DTX2: variants seen among roughly 807,000 people sequenced by gnomAD.
DTX2 encodes deltex E3 ubiquitin ligase 2, also known as probable E3 ubiquitin-protein ligase DTX2.
DTX2 carries 29 observed loss-of-function variants against 55.3 expected under a neutral mutation model. The observed-to-expected ratio is 0.52, with a 90% CI of 0.39 to 0.71. The LOEUF is 0.71. DTX2 is among the 30% of genes least tolerant of loss of function. DTX2 has a pLI of 0.00. For synonymous variants in DTX2, 276 were observed against 340.4 expected (o/e 0.81, Z 2.08); for missense variants, 537 against 822.5 (o/e 0.65, Z 4.25).
chr7:76,480,817 C>T (rs746534819), intron 3 of DTX2, 40 bp downstream of exon 3: 5 of 1,534,882 alleles, frequency 3.3e-6, no homozygotes, highest in Non-Finnish European at 4.4e-6. Flanking sequence ...CTGGGTGCCG[C>T]ACCTGCTTTC....
chr7:76,477,341 C>T (rs1158648390), intron 2 of DTX2, among the ~76,000 whole-genome samples: 1 of 137,316 alleles, frequency 7.3e-6, no homozygotes, highest in African/African-American at 2.8e-5. Context: ...TGTGGCCGTT[C>T]CTCCTTGAGA....
rs998516653 is a variant in DTX2 at position 76,505,484 on chromosome 7, G to A, written c.1752G>A (p.Lys584=). The A allele has an allele frequency of 6.2e-6, 10 of 1,609,538 alleles. No individual in the cohort carries two copies. The African/African-American group carries it at 1.3e-4, about 22-fold the overall frequency. ...TGGTATGGAACGAGATCCACCACAA[G>A]ACAGAGATGGACCGCAACATTACGG... is the stretch of plus-strand genomic sequence containing the variant. ...DTVVWNEIHH[K]TEMDRNITGH... is the part of the protein sequence containing the mutation. The change falls in exon 11 of 11, where the codon AAG becomes AAA. Residue 584 remains lysine (K), a synonymous_variant. Transcript: ENST00000430490. The surrounding 1 kb of genome is among the most constrained non-coding windows in gnomAD (Gnocchi z 4.4).
Position 76,505,458 on chromosome 7 carries a change from G to A in DTX2, c.1726G>A (p.Val576Met), listed in dbSNP as rs748763928. Residue 576 changes from valine to methionine, a missense_variant, in exon 11 of 11, where the codon GTG (valine) becomes ATG (methionine). Val to Met is a conservative substitution (Grantham distance 21). Around this residue, in one of 7 missense-constraint regions of DTX2, gnomAD observed 33 missense variants for 48.4 expected, o/e 0.68. Transcript: ENST00000430490. The surrounding 1 kb of genome is among the most constrained non-coding windows in gnomAD (Gnocchi z 4.4). ...TSSTTGETDT[V>M]VWNEIHHKTE... ...CAGCACCACGGGTGAGACGGACACC[G>A]TGGTATGGAACGAGATCCACCACAA... 6 of 1,607,114 alleles carry A rather than the reference G, an allele frequency of 3.7e-6. No individual in the cohort carries two copies. The highest frequency in any genetic ancestry group is 5.1e-6 in the Non-Finnish European group (6 of 1,177,070).
intron 6 of DTX2, among the ~76,000 whole-genome samples, chr7:76,498,675 C>A (rs1178776009): frequency 2.3e-5 from 3 of 127,916 alleles, no homozygotes; most frequent in Non-Finnish European, 4.8e-5. Context: ...AAGGAAAAGG[C>A]CCCCCTCAGC....
At chr7:76,463,064 C>T (rs1189396394) in intron 1 of DTX2, among the ~76,000 whole-genome samples, 1 of 101,532 alleles carries the variant, frequency 9.8e-6, no homozygotes, top group African/African-American at 3.9e-5. Flanking sequence ...GAGACCCCGT[C>T]TCAAAAAACA....
chr7:76,480,093 G>A lies in DTX2; in HGVS notation c.-89-328G>A, dbSNP rs1326001207. ...GAAGGCTGAGGCGAGTCTATCCCTT[G>A]AGGCTGGGACTTTGAGACCAGCCTG... On this transcript the variant is annotated intron_variant, in intron 2 of 10. Coordinates refer to ENST00000430490, the MANE Select transcript of DTX2 (RefSeq NM_001102594.3). Among the ~76,000 whole-genome samples the A allele has an allele frequency of 2.9e-5, 3 of 102,922 alleles. 1 individual carries two copies. Among genetic ancestry groups the A allele is most frequent in the Non-Finnish European group, 6.0e-5 (3 of 50,068 alleles). The allele number at this position is 102,922 out of a possible 152,430, so 67.5% of individuals were successfully genotyped here.
intron 2 of DTX2, chr7:76,474,645 A>G (rs1324727631): frequency 1.3e-5 from 2 of 152,042 alleles, no homozygotes; most frequent in Non-Finnish European, 2.9e-5. Flanking sequence ...GTATGAGTTG[A>G]GTACCTGTTT....
At chr7:76,480,241 G>C (rs1053819248) in intron 2 of DTX2, among the ~76,000 whole-genome samples, 180 bp from the exon 3 acceptor site, 2 of 148,786 alleles carry the variant, frequency 1.3e-5, no homozygotes, top group Non-Finnish European at 3.0e-5. Flanking sequence ...GGAGTTTGAG[G>C]CTGCTGTGAG....
chr7:76,502,493 G>C (rs369495187), intron 8 of DTX2, 37 bp downstream of exon 8: 1 of 1,602,092 alleles, frequency 6.2e-7, no homozygotes, highest in Non-Finnish European at 8.5e-7. Flanking sequence ...CGGGTGGCCC[G>C]CCCCCACAGT....
At chr7:76,493,909 C>T (rs531715240) in intron 5 of DTX2, among the ~76,000 whole-genome samples, 2 of 120,330 alleles carry the variant, frequency 1.7e-5, no homozygotes, top group Non-Finnish European at 3.8e-5. Context: ...TCATTTCGTC[C>T]TTAAATCACT....
At position 76,479,409 on chromosome 7, in the gene DTX2, C is replaced by T. The variant is rs181002707; in HGVS notation, c.-89-1012C>T. 7.7e-4 allele frequency among the ~76,000 whole-genome samples: 86 copies of T among 111,736 alleles called. 14 individuals are homozygous for T. Among genetic ancestry groups the T allele is most frequent in the African/African-American group, 2.6e-3 (75 of 28,996 alleles). 73.3% of individuals were successfully genotyped at this position (111,736 alleles called of 152,430 possible). A position where few individuals can be genotyped will look rare whatever the true frequency, so the allele number is the denominator to read the frequency against. On this transcript the variant is annotated intron_variant, in intron 2 of 10. Coordinates refer to ENST00000430490, the MANE Select transcript of DTX2 (RefSeq NM_001102594.3). ...TTTTGGTTAGCAATGCTTCAGGGCA[C>T]CTGGGAGACATGAGGAGCTAGAACC...
At chr7:76,472,093 C>A (rs1204060806) in intron 2 of DTX2, 13 of 151,084 alleles carry the variant, frequency 8.6e-5, no homozygotes, top group Admixed American at 5.9e-4. Context: ...TCGCCGTGCT[C>A]ACAGGACTAC....
Position 76,469,550 on chromosome 7 carries a change from A to G in DTX2, c.-90+5841A>G, listed in dbSNP as rs1402704588. Among the ~76,000 whole-genome samples the G allele has an allele frequency of 2.6e-3, 386 of 149,828 alleles. 2 individuals carry two copies. The highest frequency in any genetic ancestry group is 9.2e-3 in the African/African-American group (370 of 40,322). ...TGGGACTACAGGCGCTCGCCACCAC[A>G]CTTGGCTAATTTTTTGTATTTTTTA... On this transcript the variant is annotated intron_variant, in intron 2 of 10. Coordinates refer to ENST00000430490, the MANE Select transcript of DTX2 (RefSeq NM_001102594.3).
chr7:76,491,186 C>T (rs1370578458), intron 4 of DTX2, among the ~76,000 whole-genome samples: 9 of 151,592 alleles, frequency 5.9e-5, no homozygotes, highest in African/African-American at 2.2e-4. Flanking sequence ...TTAGTAGAGA[C>T]AGGATTTTGC....
At chr7:76,477,924 GAAC>G (rs1014163674) in intron 2 of DTX2, among the ~76,000 whole-genome samples, 143 of 150,484 alleles carry the variant, frequency 9.5e-4, no homozygotes, top group African/African-American at 3.4e-3. Context: ...GCAGCACAGA[GAAC>G]AAACCCAGGT....
intron 4 of DTX2, among the ~76,000 whole-genome samples, chr7:76,491,735 C>G (rs1810458396): frequency 8.6e-6 from 1 of 115,872 alleles, no homozygotes; most frequent in Non-Finnish European, 1.8e-5. Context: ...CCAGGCTGGA[C>G]TGCAGTGATG....
rs896396710 is a variant in DTX2, at chr7:76,468,982, C to G, written c.-90+5273C>G. On this transcript the variant is annotated intron_variant, in intron 2 of 10. Transcript: ENST00000430490. The stretch of plus-strand genomic sequence containing the variant: ...GTTTCACTGTATTGGCCAGGCTGGT[C>G]TCAAACTCCTGGCCTCAAATGATCC... 6.1e-5 allele frequency among the ~76,000 whole-genome samples: 7 copies of G among 114,828 alleles called. 1 individual carries two copies. The highest frequency in any genetic ancestry group is 1.1e-4 in the Non-Finnish European group (6 of 53,888). 75.3% of individuals were successfully genotyped at this position (114,828 alleles called of 152,430 possible).
chr7:76,466,887 C>T (rs1312987592), intron 2 of DTX2, among the ~76,000 whole-genome samples: 2 of 151,792 alleles, frequency 1.3e-5, no homozygotes, highest in Non-Finnish European at 2.9e-5. Flanking sequence ...TGTGAGGCAC[C>T]GCGCCTGGCC....
intron 2 of DTX2, among the ~76,000 whole-genome samples, chr7:76,474,015 G>A (rs1246559315): frequency 4.4e-5 from 6 of 135,214 alleles, no homozygotes; most frequent in South Asian, 5.2e-4. Flanking sequence ...TCCACCTCCC[G>A]GGTTCAAGCG....
Sources: allele counts gnomAD v4.1 joint callset (sites outside exome capture counted in the v4.1 genomes callset), GRCh38; gene constraint gnomAD v4.1.1; regional missense constraint gnomAD v4.1.1; non-coding constraint Gnocchi (gnomAD v3.1); transcripts MANE v1.5; gene names NCBI Gene and HGNC (gene_info 2026-07-23, HGNC 2026-07-21).